Variants in ANKS1B observed in about 807,000 individuals in gnomAD.
The protein encoded by ANKS1B is ankyrin repeat and sterile alpha motif domain-containing protein 1B.
ANKS1B carries 36 observed loss-of-function variants against 148.3 expected under a neutral mutation model. That is an observed-to-expected ratio of 0.24 (90% CI 0.19 to 0.32). The LOEUF is 0.32. ANKS1B is among the 10% of genes least tolerant of loss of function. ANKS1B has a pLI of 1.00. For synonymous variants in ANKS1B, 542 were observed against 560.8 expected, an observed-to-expected ratio of 0.97 and a Z score of 0.47; for missense variants, 1,157 against 1,542.6, an observed-to-expected ratio of 0.75 and a Z score of 4.19.
At chr12:98,986,979 C>T (rs1274337781) in intron 17 of ANKS1B, among the ~76,000 whole-genome samples, 3 of 151,822 alleles carry the variant, frequency 2.0e-5, no homozygotes, top group Non-Finnish European at 2.9e-5. Context: ...TTTACCTGGG[C>T]CATTCTTAAG....
chr12:99,489,111 A>T (rs2096530371), intron 10 of ANKS1B, among the ~76,000 whole-genome samples: 1 of 151,980 alleles, frequency 6.6e-6, no homozygotes, highest in Non-Finnish European at 1.5e-5. Flanking sequence ...GCATGGTGGC[A>T]CGCACCTATA....
chr12:99,460,117 T>C (rs1025053862), intron 10 of ANKS1B, among the ~76,000 whole-genome samples: 28 of 151,850 alleles, frequency 1.8e-4, no homozygotes, highest in Admixed American at 1.3e-3. Flanking sequence ...AAGCCAAATG[T>C]TTACTGTCAA....
intron 1 of ANKS1B, among the ~76,000 whole-genome samples, chr12:99,940,254 G>T (rs1170940862): frequency 6.6e-6 from 1 of 151,930 alleles, no homozygotes; most frequent in Non-Finnish European, 1.5e-5. Context: ...TGAACATCTG[G>T]GTCAGTTCTA....
At chr12:98,800,491 G>C (rs1046623967) in intron 21 of ANKS1B, among the ~76,000 whole-genome samples, 5 of 151,786 alleles carry the variant, frequency 3.3e-5, no homozygotes, top group African/African-American at 1.2e-4. Context: ...ACATTTCTCA[G>C]CTAATTATAA....
At chr12:99,012,211 A>G (rs533239975) in intron 17 of ANKS1B, among the ~76,000 whole-genome samples, 6 of 152,322 alleles carry the variant, frequency 3.9e-5, no homozygotes, top group African/African-American at 1.4e-4. Flanking sequence ...CAAGTGTTAA[A>G]AAGTAAAACT....
At chr12:99,163,504 T>TGTGTGTG (rs1555318159) in intron 14 of ANKS1B, among the ~76,000 whole-genome samples, 2 of 123,686 alleles carry the variant, frequency 1.6e-5, no homozygotes, top group South Asian at 3.0e-4. Flanking sequence ...TGTGTGTGTG[T>TGTGTGTG]TTAGTTCTGT....
At chr12:99,360,482 T>C (rs1293433935) in intron 12 of ANKS1B, among the ~76,000 whole-genome samples, 1 of 152,148 alleles carries the variant, frequency 6.6e-6, no homozygotes, top group Non-Finnish European at 1.5e-5. Flanking sequence ...TCATCACAGC[T>C]TCTCTGTGGA....
At chr12:98,746,194 A>G (rs1296901170) in intron 26 of ANKS1B, among the ~76,000 whole-genome samples, 1 of 152,130 alleles carries the variant, frequency 6.6e-6, no homozygotes. Flanking sequence ...GGCTTCCTGG[A>G]GGAGGTGAAT....
At chr12:99,888,614 G>A (rs1040121764) in intron 1 of ANKS1B, among the ~76,000 whole-genome samples, 3 of 152,048 alleles carry the variant, frequency 2.0e-5, no homozygotes, top group South Asian at 2.1e-4. Context: ...AAAAAAGATC[G>A]GCCAACTAAA....
At chr12:99,195,954 C>A (rs1361994539) in intron 14 of ANKS1B, among the ~76,000 whole-genome samples, 1 of 151,882 alleles carries the variant, frequency 6.6e-6, no homozygotes, top group Non-Finnish European at 1.5e-5. Flanking sequence ...GCAAAGATAC[C>A]TAAAGGATTC....
intron 17 of ANKS1B, among the ~76,000 whole-genome samples, chr12:98,855,152 C>T (rs1262624795): frequency 3.6e-5 from 5 of 139,388 alleles, no homozygotes; most frequent in Admixed American, 7.3e-5. Context: ...GGCGACAGAG[C>T]GAGACTCCGT....
At chr12:98,852,884 T>C (rs1490102331) in intron 17 of ANKS1B, among the ~76,000 whole-genome samples, 1 of 152,156 alleles carries the variant, frequency 6.6e-6, no homozygotes, top group Non-Finnish European at 1.5e-5. Flanking sequence ...CTGTTAACTT[T>C]CTGCTTCATC....
chr12:99,503,409 T>G (rs11109879), intron 10 of ANKS1B, among the ~76,000 whole-genome samples: 16,589 of 152,198 alleles, frequency 0.11, 2,979 homozygotes, highest in African/African-American at 0.38. Context: ...CTCGCTACTC[T>G]GTGGGGAAGC....
intron 11 of ANKS1B, among the ~76,000 whole-genome samples, chr12:99,423,129 T>C (rs969048882): frequency 4.0e-4 from 61 of 152,286 alleles, no homozygotes; most frequent in African/African-American, 1.5e-3. Flanking sequence ...TTAGGAAAGT[T>C]GGCATGCAAG....
intron 17 of ANKS1B, among the ~76,000 whole-genome samples, chr12:98,900,030 C>G (rs1286744612): frequency 6.6e-6 from 1 of 152,140 alleles, no homozygotes; most frequent in Non-Finnish European, 1.5e-5. Context: ...CCATCTGGAG[C>G]TATGTAGGGG....
intron 1 of ANKS1B, among the ~76,000 whole-genome samples, chr12:99,959,227 ATTTTTTTTTT>A (rs71088166): frequency 2.0e-5 from 2 of 99,896 alleles, no homozygotes; most frequent in Non-Finnish European, 3.7e-5. Flanking sequence ...CACCCAGTTA[ATTTTTTTTTT>A]TTTTTTTTTT....
intron 1 of ANKS1B, among the ~76,000 whole-genome samples, chr12:99,833,479 A>T (rs1297316199): frequency 1.3e-5 from 2 of 152,192 alleles, no homozygotes; most frequent in Non-Finnish European, 2.9e-5. Context: ...AATAAAACCT[A>T]TGGGAGATGG....
chr12:98,906,985 C>G (rs907500949), intron 17 of ANKS1B, among the ~76,000 whole-genome samples: 1 of 148,340 alleles, frequency 6.7e-6, no homozygotes, highest in Non-Finnish European at 1.5e-5. Flanking sequence ...ATGAACATAT[C>G]ATCCCCTCAC....
chr12:99,507,645 T>C (rs932505293), intron 9 of ANKS1B, among the ~76,000 whole-genome samples: 4 of 151,856 alleles, frequency 2.6e-5, no homozygotes, highest in African/African-American at 7.2e-5. Context: ...TCTTAGAATG[T>C]AAGTCTTTGT....
Sources: gnomAD v4.1 joint callset for allele counts (sites outside exome capture counted in the v4.1 genomes callset) on GRCh38, gnomAD v4.1.1 for gene constraint, MANE v1.5 for transcripts, NCBI Gene and HGNC (gene_info 2026-07-23, HGNC 2026-07-21) for gene names.